RIT2: variants seen among roughly 807,000 people sequenced by gnomAD.
The protein encoded by RIT2 is Ras like without CAAX 2.
In RIT2, 24 loss-of-function variants were observed where a neutral mutation model predicts 23.7. The ratio of observed to expected loss-of-function variants is 1.01; its 90% CI spans 0.73 to 1.43. RIT2 has a LOEUF of 1.43. Ranked by LOEUF, RIT2 falls within the 40% of genes most tolerant of loss-of-function variation. RIT2 has a pLI of 0.00. For missense variants in RIT2, 236 were observed against 266.9 expected (o/e 0.88, Z 0.81); for synonymous variants, 107 against 91.1 (o/e 1.17, Z -0.99).
chr18:43,075,123 A>G (rs961053936), intron 1 of RIT2, among the ~76,000 whole-genome samples: 2 of 152,154 alleles, frequency 1.3e-5, no homozygotes, highest in Non-Finnish European at 2.9e-5. Context: ...GTCTTAAATT[A>G]TTTATTATTT....
chr18:42,832,428 C>T (rs1906485145), intron 4 of RIT2, among the ~76,000 whole-genome samples: 9 of 152,138 alleles, frequency 5.9e-5, no homozygotes, highest in Admixed American at 5.9e-4. Context: ...AATTTTTCTT[C>T]TTAGATTATT....
intron 1 of RIT2, among the ~76,000 whole-genome samples, chr18:43,050,675 C>T (rs1912359141): frequency 6.6e-6 from 1 of 152,024 alleles, no homozygotes; most frequent in Non-Finnish European, 1.5e-5. Context: ...TCATTCCTGC[C>T]TTTCTGATTA....
chr18:43,115,546 A>G lies in RIT2; in HGVS notation c.-27T>C, dbSNP rs1267765309. The G allele has an allele frequency of 2.5e-6, 4 of 1,600,306 alleles. No individual in the cohort carries two copies. In the African/African-American group the frequency reaches 5.4e-5, roughly 22 times the overall value. Reference sequence around the variant, plus strand: ...TTACCCGAGGGACCGGAGGAAAAAAAGAAGGAGAAAGTCACCCGTGTCAGG... The same window carrying G: ...TTACCCGAGGGACCGGAGGAAAAAAGGAAGGAGAAAGTCACCCGTGTCAGG... On this transcript the variant is annotated 5_prime_UTR_variant, in exon 1 of 5. Coordinates refer to ENST00000326695, the MANE Select transcript of RIT2 (RefSeq NM_002930.4).
chr18:43,114,145 C>T, intron 1 of RIT2, among the ~76,000 whole-genome samples: 1 of 152,080 alleles, frequency 6.6e-6, no homozygotes, highest in East Asian at 1.9e-4. Context: ...GCTTTTCTTT[C>T]ATATTTTTGC....
At chr18:42,800,577 C>A (rs1173717554) in intron 4 of RIT2, among the ~76,000 whole-genome samples, 1 of 145,672 alleles carries the variant, frequency 6.9e-6, no homozygotes, top group Admixed American at 7.1e-5. Context: ...GGCTGGAGTG[C>A]TGGCGTGGAG....
intron 4 of RIT2, among the ~76,000 whole-genome samples, chr18:42,839,842 T>A (rs745864184): frequency 2.6e-5 from 4 of 152,088 alleles, no homozygotes; most frequent in African/African-American, 4.8e-5. Flanking sequence ...CAACTTCATA[T>A]CTATAATAAC....
intron 4 of RIT2, among the ~76,000 whole-genome samples, chr18:42,806,280 C>A (rs1343268775): frequency 3.3e-5 from 5 of 151,648 alleles, no homozygotes; most frequent in Admixed American, 3.3e-4. Flanking sequence ...ACCAGCCTGA[C>A]CAACATGGTA....
At chr18:42,955,291 G>A (rs1476312346) in intron 3 of RIT2, among the ~76,000 whole-genome samples, 1 of 152,238 alleles carries the variant, frequency 6.6e-6, no homozygotes, top group African/African-American at 2.4e-5. Context: ...AGAGTCCAAG[G>A]ATTCAGATAT....
chr18:43,109,354 G>T (rs1913900694), intron 1 of RIT2, among the ~76,000 whole-genome samples: 1 of 152,116 alleles, frequency 6.6e-6, no homozygotes, highest in African/African-American at 2.4e-5. Flanking sequence ...CTTTTTCACA[G>T]TTAACTGAAG....
chr18:42,898,396 C>T (rs374816168), intron 4 of RIT2, among the ~76,000 whole-genome samples: 9 of 152,110 alleles, frequency 5.9e-5, no homozygotes, highest in African/African-American at 2.2e-4. Flanking sequence ...TGTCCCAAAA[C>T]AAAATCAACA....
At chr18:42,831,032 A>T (rs570044450) in intron 4 of RIT2, among the ~76,000 whole-genome samples, 1 of 152,304 alleles carries the variant, frequency 6.6e-6, no homozygotes, top group South Asian at 2.1e-4. Context: ...GCATAATGAA[A>T]TTCAAGTGTG....
intron 4 of RIT2, among the ~76,000 whole-genome samples, chr18:42,914,026 G>C (rs1457463088): frequency 1.3e-5 from 2 of 151,970 alleles, no homozygotes; most frequent in Non-Finnish European, 2.9e-5. Context: ...AGCATGTACA[G>C]ATCCTTAACT....
chr18:42,956,332 T>C (rs190711638), intron 3 of RIT2, among the ~76,000 whole-genome samples: 249 of 152,268 alleles, frequency 1.6e-3, no homozygotes, highest in African/African-American at 5.5e-3. Context: ...TAAGTGCTGA[T>C]TGCTAAATAA....
At chr18:42,891,830 C>A (rs1908185815) in intron 4 of RIT2, among the ~76,000 whole-genome samples, 1 of 152,068 alleles carries the variant, frequency 6.6e-6, no homozygotes, top group Non-Finnish European at 1.5e-5. Flanking sequence ...ATGTTATTAT[C>A]TTTTTCAAAA....
chr18:42,921,481 C>G (rs748705526), intron 4 of RIT2, among the ~76,000 whole-genome samples: 15 of 152,096 alleles, frequency 9.9e-5, no homozygotes, highest in Non-Finnish European at 1.8e-4. Flanking sequence ...CTGAAAGGAG[C>G]AGCTAATTAA....
intron 1 of RIT2, among the ~76,000 whole-genome samples, chr18:43,076,830 G>A (rs182252028): frequency 6.6e-6 from 1 of 152,248 alleles, no homozygotes; most frequent in Non-Finnish European, 1.5e-5. Context: ...ACGGCCGGGC[G>A]CGGTGGCTCA....
intron 4 of RIT2, among the ~76,000 whole-genome samples, chr18:42,764,883 T>A (rs1913385274): frequency 6.6e-6 from 1 of 152,236 alleles, no homozygotes; most frequent in Non-Finnish European, 1.5e-5. Flanking sequence ...TGATGCAGTC[T>A]TACTTACTTT....
chr18:43,022,885 C>T (rs1911628952), intron 2 of RIT2, among the ~76,000 whole-genome samples: 1 of 152,080 alleles, frequency 6.6e-6, no homozygotes. Flanking sequence ...CATATTTAAA[C>T]AATAAGTGGT....
rs141335403 is a variant in RIT2, at chr18:43,002,865, T to G, written c.161-28718A>C. On this transcript the variant is annotated intron_variant, in intron 2 of 4. Transcript: ENST00000326695. ...ATCAGCTGAACTCAGCATAGAGAGA[T>G]TATTCAGGATTATCCAGGTGTGACC... 1.2e-3 allele frequency among the ~76,000 whole-genome samples: 184 copies of G among 152,018 alleles called. No homozygotes were observed. The Middle Eastern group carries it at 0.017, about 14-fold the overall frequency.
Sources: allele counts gnomAD v4.1 joint callset (sites outside exome capture counted in the v4.1 genomes callset), GRCh38; gene constraint gnomAD v4.1.1; transcripts MANE v1.5; gene names NCBI Gene and HGNC (gene_info 2026-07-23, HGNC 2026-07-21).